EYS: variants seen among roughly 807,000 people sequenced by gnomAD.
EYS encodes the protein EGF-like photoreceptor maintenance factor, also known as protein eyes shut homolog.
In EYS, 250 loss-of-function variants were observed where a neutral mutation model predicts 282.1. The ratio of observed to expected loss-of-function variants is 0.89; its 90% CI spans 0.80 to 0.98. The LOEUF is 0.98. Among genes scored for constraint, EYS ranks in the 50% least tolerant of loss-of-function variants. EYS has a pLI of 0.00. For missense variants in EYS, 4,016 were observed against 3,709.0 expected, an observed-to-expected ratio of 1.08 and a Z score of -2.15; for synonymous variants, 1,355 against 1,282.9, an observed-to-expected ratio of 1.06 and a Z score of -1.20.
chr6:64,633,393 G>T (rs1562102373), intron 22 of EYS, among the ~76,000 whole-genome samples: 2 of 152,012 alleles, frequency 1.3e-5, no homozygotes, highest in Admixed American at 1.3e-4. Context: ...GATATTGACA[G>T]TATTTAAACT....
chr6:64,884,310 T>C (rs778454544), intron 19 of EYS, among the ~76,000 whole-genome samples: 29 of 151,588 alleles, frequency 1.9e-4, no homozygotes, highest in Non-Finnish European at 3.5e-4. Flanking sequence ...TACCATTACA[T>C]TCAAATTTTG....
At chr6:64,909,625 C>T (rs755090879) in intron 16 of EYS, among the ~76,000 whole-genome samples, 10 of 151,988 alleles carry the variant, frequency 6.6e-5, no homozygotes, top group African/African-American at 1.4e-4. Context: ...AATTAATCAC[C>T]GCAGTTTTAG....
chr6:63,754,053 AATATCTTAGGAT>A (rs1247803836), intron 41 of EYS, among the ~76,000 whole-genome samples: 2 of 152,312 alleles, frequency 1.3e-5, no homozygotes, highest in African/African-American at 4.8e-5. Context: ...TAAAGCATTC[AATATCTTAGGAT>A]ATTTCTTACT....
At chr6:65,599,667 G>T (rs1263787694) in intron 2 of EYS, among the ~76,000 whole-genome samples, 1 of 151,996 alleles carries the variant, frequency 6.6e-6, no homozygotes, top group African/African-American at 2.4e-5. Context: ...AATATGAAAT[G>T]TTTATTCAGA....
chr6:64,701,714 G>A (rs144516810), intron 22 of EYS, among the ~76,000 whole-genome samples: 1 of 152,074 alleles, frequency 6.6e-6, no homozygotes, highest in Non-Finnish European at 1.5e-5. Context: ...GTGGGTGAGG[G>A]ATGAGAAATT....
intron 5 of EYS, among the ~76,000 whole-genome samples, chr6:65,424,183 T>G (rs1767578245): frequency 6.6e-6 from 1 of 152,012 alleles, no homozygotes; most frequent in African/African-American, 2.4e-5. Context: ...CTTGGTAGGG[T>G]GCACTGTCCT....
chr6:64,903,123 T>C (rs1767717643), intron 16 of EYS, among the ~76,000 whole-genome samples: 1 of 152,072 alleles, frequency 6.6e-6, no homozygotes, highest in South Asian at 2.1e-4. Context: ...CTTTTTAAAA[T>C]ACAATGAAAT....
In EYS at chr6:64,632,337, T is replaced by C. The variant is rs1767811794; in HGVS notation, c.3444-6092A>G. On this transcript the variant is annotated intron_variant, in intron 22 of 42. Coordinates refer to ENST00000503581, the MANE Select transcript of EYS (RefSeq NM_001142800.2). The stretch of plus-strand genomic sequence containing the variant: ...AAATTAAAGTATATATCTCTGTGAA[T>C]AGTACTCTATTAGTAACTGATCATA... Among the ~76,000 whole-genome samples the C allele has an allele frequency of 2.0e-5, 3 of 152,104 alleles. No homozygotes were observed. In the East Asian group the frequency reaches 5.8e-4, roughly 29 times the overall value.
chr6:65,649,010 G>C (rs1347879252), intron 1 of EYS, among the ~76,000 whole-genome samples: 1 of 151,648 alleles, frequency 6.6e-6, no homozygotes, highest in Non-Finnish European at 1.5e-5. Context: ...GCTGGGCATG[G>C]TGGCACACAC....
intron 35 of EYS, among the ~76,000 whole-genome samples, chr6:63,948,155 T>G (rs897342086): frequency 3.3e-5 from 5 of 152,204 alleles, no homozygotes; most frequent in African/African-American, 1.2e-4. Flanking sequence ...GCTTTTATAT[T>G]GTATTAGAGC....
chr6:65,164,885 G>C (rs1171950711), intron 12 of EYS, among the ~76,000 whole-genome samples: 1 of 151,194 alleles, frequency 6.6e-6, no homozygotes, highest in Non-Finnish European at 1.5e-5. Flanking sequence ...TTGTGTGCTT[G>C]TATCTGTGTT....
intron 14 of EYS, among the ~76,000 whole-genome samples, chr6:64,974,982 G>T (rs1305482488): frequency 1.3e-5 from 2 of 151,562 alleles, no homozygotes; most frequent in African/African-American, 4.8e-5. Context: ...GCAGGCTCAT[G>T]GTTAAATTTA....
intron 12 of EYS, among the ~76,000 whole-genome samples, chr6:65,182,660 GT>G (rs1250232184): frequency 1.3e-5 from 2 of 151,222 alleles, no homozygotes. Context: ...TGTTTAATTG[GT>G]TTTTTTTGTA....
chr6:65,427,149 C>A (rs1051977648), intron 5 of EYS, among the ~76,000 whole-genome samples: 3 of 151,958 alleles, frequency 2.0e-5, no homozygotes, highest in Non-Finnish European at 4.4e-5. Context: ...CTAGTTCCAC[C>A]TTCATAAGTA....
chr6:64,968,226 G>A (rs1313599051), intron 14 of EYS, among the ~76,000 whole-genome samples: 1 of 152,032 alleles, frequency 6.6e-6, no homozygotes, highest in Non-Finnish European at 1.5e-5. Context: ...GTAAAAAAAT[G>A]TATATAAAAC....
At chr6:64,299,350 G>A (rs900093694) in intron 30 of EYS, among the ~76,000 whole-genome samples, 18 of 152,140 alleles carry the variant, frequency 1.2e-4, no homozygotes, top group Non-Finnish European at 2.4e-4. Context: ...GTGTGCATGC[G>A]GCTGCTACAA....
Position 64,344,094 on chromosome 6 carries a change from C to A in EYS, c.6079-37012G>T, listed in dbSNP as rs1771259644. On this transcript the variant is annotated intron_variant, in intron 29 of 42. Coordinates refer to ENST00000503581, the MANE Select transcript of EYS (RefSeq NM_001142800.2). ...TTACCAACCAAAAAAAAGTCCAGGA[C>A]AAGATGGATTCACAGCCGAATTCTA... Among the ~76,000 whole-genome samples the A allele has an allele frequency of 2.0e-5, 3 of 152,008 alleles. 1 individual carries two copies. The South Asian group carries it at 6.2e-4, about 32-fold the overall frequency.
At chr6:64,424,359 C>T (rs1201692611) in intron 28 of EYS, among the ~76,000 whole-genome samples, 1 of 152,096 alleles carries the variant, frequency 6.6e-6, no homozygotes, top group African/African-American at 2.4e-5. Context: ...ATTTTATTAT[C>T]AATATTTTAT....
intron 1 of EYS, among the ~76,000 whole-genome samples, chr6:65,655,895 G>A (rs1284725723): frequency 6.6e-6 from 1 of 151,846 alleles, no homozygotes; most frequent in African/African-American, 2.4e-5. Flanking sequence ...CAGTGGCAGG[G>A]TTTGAGAGGA....
Sources: gnomAD v4.1 joint callset for allele counts (sites outside exome capture counted in the v4.1 genomes callset) on GRCh38, gnomAD v4.1.1 for gene constraint, MANE v1.5 for transcripts, NCBI Gene and HGNC (gene_info 2026-07-23, HGNC 2026-07-21) for gene names.